Variants in FDFT1 observed in about 807,000 individuals in gnomAD.
FDFT1 encodes the protein farnesyl-diphosphate farnesyltransferase 1.
FDFT1 carries 68 observed loss-of-function variants against 46.8 expected under a neutral mutation model. The ratio of observed to expected loss-of-function variants is 1.45; its 90% CI spans 1.19 to 1.78. The LOEUF is 1.78. Ranked by LOEUF, FDFT1 falls within the 40% of genes most tolerant of loss-of-function variation. The pLI, the probability that FDFT1 is intolerant of heterozygous loss-of-function variation, is 0.00. For synonymous variants in FDFT1, 351 were observed against 185.1 expected (o/e 1.90, Z -7.28); for missense variants, 928 against 524.4 (o/e 1.77, Z -7.52).
chr8:11,838,461 A>G lies in FDFT1; in HGVS notation c.1106A>G (p.Gln369Arg), dbSNP rs189378553. Reference sequence around the variant, plus strand: ...CAGATCATCTCCACCATCCGGACGCAGAATCTTCCCAACTGTCAGCTGATT... The same window carrying G: ...CAGATCATCTCCACCATCCGGACGCGGAATCTTCCCAACTGTCAGCTGATT... The part of the protein sequence containing the change: ...TRQIISTIRT[Q>R]NLPNCQLISR... The change falls in exon 8 of 8, where the codon CAG (glutamine) becomes CGG (arginine). Residue 369 changes from glutamine (Q) to arginine (R), a missense_variant. Gln to Arg is a conservative substitution (Grantham distance 43, BLOSUM62 1). Transcript: ENST00000220584. 83 of 1,608,000 alleles carry G rather than the reference A, an allele frequency of 5.2e-5. No homozygotes were observed. In the East Asian group the frequency reaches 1.6e-3, roughly 31 times the overall value.
At chr8:11,818,053 A>G (rs975278366) in intron 3 of FDFT1, among the ~76,000 whole-genome samples, 35 of 152,264 alleles carry the variant, frequency 2.3e-4, no homozygotes, top group African/African-American at 6.0e-4. Context: ...AGATTCTGGT[A>G]TGTTGTGTCT....
chr8:11,833,145 GA>G (rs1011077234), intron 7 of FDFT1, among the ~76,000 whole-genome samples: 1 of 152,172 alleles, frequency 6.6e-6, no homozygotes, highest in African/African-American at 2.4e-5. Flanking sequence ...GTCACTAGAT[GA>G]AAATATTCAG....
At chr8:11,802,014 G>A (rs1424214997), upstream of FDFT1, 6 of 455,938 alleles carry the variant, frequency 1.3e-5, no homozygotes, top group African/African-American at 1.2e-4. Context: ...TCTAGGGCTG[G>A]AGAGATCTAG....
rs550748767 is a variant in FDFT1, at chr8:11,837,351, C to T, written c.1033-1037C>T. 2.6e-5 allele frequency among the ~76,000 whole-genome samples: 4 copies of T among 152,216 alleles called. No homozygotes were observed. The East Asian group carries it at 7.7e-4, about 29-fold the overall frequency. On this transcript the variant is annotated intron_variant, in intron 7 of 7. Coordinates refer to ENST00000220584, the MANE Select transcript of FDFT1 (RefSeq NM_004462.5). ...GCTCAAGTGATCTTCCCACCCCAGTCCCCAAGTAGCTGGGGGACCACAGGT... is the reference window on the plus strand; with the variant it reads ...GCTCAAGTGATCTTCCCACCCCAGTTCCCAAGTAGCTGGGGGACCACAGGT...
upstream of FDFT1, among the ~76,000 whole-genome samples, chr8:11,798,837 C>G (rs533513267): frequency 2.0e-5 from 3 of 152,126 alleles, no homozygotes; most frequent in Admixed American, 2.0e-4. Flanking sequence ...CGTCACTGAG[C>G]TTAGATTTCT....
intron 5 of FDFT1, among the ~76,000 whole-genome samples, chr8:11,827,849 G>C (rs924757704): frequency 6.6e-6 from 1 of 151,790 alleles, no homozygotes; most frequent in Non-Finnish European, 1.5e-5. Flanking sequence ...AGACCAGCCT[G>C]GACAACGTAG....
intron 3 of FDFT1, among the ~76,000 whole-genome samples, chr8:11,812,457 G>T (rs536246280): frequency 3.9e-5 from 6 of 152,254 alleles, no homozygotes; most frequent in Non-Finnish European, 8.8e-5. Context: ...TGGAGAGAGC[G>T]GGATTCAGGA....
intron 3 of FDFT1, among the ~76,000 whole-genome samples, chr8:11,816,089 A>T (rs559466827): frequency 3.5e-4 from 54 of 152,314 alleles, no homozygotes; most frequent in Admixed American, 2.7e-3. Context: ...TACATATGGC[A>T]AGCCAGGTTT....
At chr8:11,831,834 A>T (rs1810847922) in intron 7 of FDFT1, 164 bp downstream of exon 7, 1 of 638,540 alleles carries the variant, frequency 1.6e-6, no homozygotes, top group African/African-American at 1.8e-5. Context: ...GTCTATTCAC[A>T]GGAGCCGAGC....
chr8:11,816,385 T>C (rs1808452350), intron 3 of FDFT1, among the ~76,000 whole-genome samples: 1 of 152,200 alleles, frequency 6.6e-6, no homozygotes, highest in South Asian at 2.1e-4. Context: ...TTTAAAGTAG[T>C]TTTTTCCAAT....
At chr8:11,826,278 C>A in intron 5 of FDFT1, 63 bp downstream of exon 5, 1 of 1,312,724 alleles carries the variant, frequency 7.6e-7, no homozygotes, top group Non-Finnish European at 1.0e-6. Flanking sequence ...AATCCTTTAA[C>A]TCTTGTGGTT....
chr8:11,828,536 C>T (rs757920983), intron 5 of FDFT1, among the ~76,000 whole-genome samples: 7 of 152,238 alleles, frequency 4.6e-5, no homozygotes, highest in Non-Finnish European at 7.3e-5. Flanking sequence ...GACCACTGTT[C>T]CATTGTCTCC....
At chr8:11,801,996 C>T (rs1267511327), upstream of FDFT1, 5 of 455,848 alleles carry the variant, frequency 1.1e-5, no homozygotes, top group African/African-American at 6.0e-5. Flanking sequence ...GACGGGTAGC[C>T]AGTAGTTTCT....
At chr8:11,802,712 A>G (rs577457254), upstream of FDFT1, 406 of 757,746 alleles carry the variant, frequency 5.4e-4, 3 homozygotes, top group East Asian at 0.01. Context: ...TCGCCGTACT[A>G]GGCCTGCCCC....
chr8:11,810,965 T>C (rs1373815946), intron 3 of FDFT1, among the ~76,000 whole-genome samples: 3 of 147,604 alleles, frequency 2.0e-5, no homozygotes, highest in Non-Finnish European at 1.5e-5. Context: ...AAAAGGAATG[T>C]TTGGGGAAGA....
chr8:11,803,678 C>G (rs1185083201), intron 1 of FDFT1: 2 of 329,800 alleles, frequency 6.1e-6, no homozygotes. Flanking sequence ...CTGGACCAGC[C>G]TGGCTGATTT....
chr8:11,832,278 G>C (rs1386141050), intron 7 of FDFT1, among the ~76,000 whole-genome samples: 4 of 152,046 alleles, frequency 2.6e-5, no homozygotes, highest in Non-Finnish European at 4.4e-5. Flanking sequence ...TTTCTGGCCA[G>C]GCACAGTAGC....
At chr8:11,797,199 G>C (rs1398671648) in intron 1 of FDFT1, among the ~76,000 whole-genome samples, 2 of 152,232 alleles carry the variant, frequency 1.3e-5, no homozygotes, top group Non-Finnish European at 2.9e-5. Context: ...TTGGTCGGCT[G>C]TCTGAACCCC....
chr8:11,826,227 A>C lies in FDFT1; in HGVS notation c.702+12A>C, dbSNP rs982617696. The C allele has an allele frequency of 4.0e-6, 6 of 1,501,162 alleles. No individual in the cohort carries two copies. The Admixed American group carries it at 8.0e-5, about 20-fold the overall frequency. 93.0% of individuals were successfully genotyped at this position (1,501,162 alleles called of 1,614,324 possible). On this transcript the variant is annotated intron_variant, in intron 5 of 7. Coordinates refer to ENST00000220584, the MANE Select transcript of FDFT1 (RefSeq NM_004462.5). ...TCTGGCCTCAAGAGGTAACAGATTCAGGGTATTTTGGGGGAAAATAACTTT... is the reference window on the plus strand; with the variant it reads ...TCTGGCCTCAAGAGGTAACAGATTCCGGGTATTTTGGGGGAAAATAACTTT...
Sources: allele counts gnomAD v4.1 joint callset (sites outside exome capture counted in the v4.1 genomes callset), GRCh38; gene constraint gnomAD v4.1.1; transcripts MANE v1.5; gene names NCBI Gene and HGNC (gene_info 2026-07-23, HGNC 2026-07-21).